FHOD3: variants seen among roughly 807,000 people sequenced by gnomAD.
FHOD3 encodes the protein FH1/FH2 domain-containing protein 3.
In FHOD3, 90 loss-of-function variants were observed where a neutral mutation model predicts 173.0. The observed-to-expected ratio is 0.52, with a 90% CI of 0.44 to 0.62. The LOEUF is 0.62. Among genes scored for constraint, FHOD3 ranks in the 20% least tolerant of loss-of-function variants. The probability of loss-of-function intolerance (pLI) is 0.00; values close to 1 mark genes in which losing one functional copy is unlikely to be tolerated. For synonymous variants in FHOD3, 828 were observed against 823.0 expected (o/e 1.01, Z -0.10); for missense variants, 1,945 against 2,034.7 (o/e 0.96, Z 0.85).
chr18:36,299,726 A>G (rs1174906322), intron 1 of FHOD3, among the ~76,000 whole-genome samples: 4 of 152,164 alleles, frequency 2.6e-5, no homozygotes, highest in Non-Finnish European at 1.5e-5. Context: ...ACTGGCTTGC[A>G]GAACTTTCTA....
At chr18:36,318,675 C>A (rs1461631400) in intron 1 of FHOD3, among the ~76,000 whole-genome samples, 1 of 152,002 alleles carries the variant, frequency 6.6e-6, no homozygotes, top group Non-Finnish European at 1.5e-5. Context: ...TCTGCAGAGA[C>A]AGTTTGACTT....
chr18:36,469,869 A>G (rs1165002144), intron 3 of FHOD3, among the ~76,000 whole-genome samples: 1 of 152,222 alleles, frequency 6.6e-6, no homozygotes, highest in Non-Finnish European at 1.5e-5. Context: ...TGGCTAAGCC[A>G]GGATAAGCAT....
chr18:36,745,418 A>G (rs1376727170), intron 23 of FHOD3, among the ~76,000 whole-genome samples: 1 of 152,176 alleles, frequency 6.6e-6, no homozygotes, highest in Non-Finnish European at 1.5e-5. Flanking sequence ...TTTCTGATGC[A>G]ATAGCATCAG....
At chr18:36,587,768 T>C (rs927496814) in intron 6 of FHOD3, among the ~76,000 whole-genome samples, 3 of 152,152 alleles carry the variant, frequency 2.0e-5, no homozygotes, top group Non-Finnish European at 4.4e-5. Flanking sequence ...TCCAGCCTGG[T>C]GCTGGAAAAA....
chr18:36,722,942 T>G (rs2040863448), intron 19 of FHOD3, among the ~76,000 whole-genome samples: 1 of 151,964 alleles, frequency 6.6e-6, no homozygotes, highest in South Asian at 2.1e-4. Flanking sequence ...TTATTTAACA[T>G]TCCCCTCAGA....
chr18:36,754,981 T>TATTATA lies in FHOD3; in HGVS notation c.4233-133_4233-132insAATTAT, dbSNP rs1313303006. 7.7e-4 allele frequency: 122 copies of TATTATA among 157,716 alleles called. 1 individual carries two copies. The East Asian group carries it at 0.015, about 20-fold the overall frequency. The allele number at this position is 157,716 out of a possible 1,614,324, so 9.8% of individuals were successfully genotyped here. ...GAGTGTGGCTTGTTGGTTTCTTTAT[T>TATTATA]ATTATTATTATTATTATTATTATTA... On this transcript the variant is annotated intron_variant, in intron 24 of 28. Transcript: ENST00000590592.
chr18:36,652,737 C>T lies in FHOD3; in HGVS notation c.1454C>T (p.Pro485Leu). 1.3e-6 allele frequency: 2 copies of T among 1,535,902 alleles called. No individual in the cohort carries two copies. The highest frequency in any genetic ancestry group is 1.2e-5 in the South Asian group (1 of 84,052). ...GGGTCCTCTGGGTCTGAGGCCACCC[C>T]ATCTGCCCTCCTGTCACCCCCTGCC... ...HSGSSGSEAT[P>L]SALLSPPASA... is the part of the protein sequence containing the mutation. The change falls in exon 12 of 29, where the codon CCA becomes CTA. Residue 485 changes from proline to leucine, a missense_variant. Around this residue, in one of 5 missense-constraint regions of FHOD3, gnomAD observed 1,099 missense variants for 1,051.2 expected, o/e 1.05. Coordinates refer to ENST00000590592, the MANE Select transcript of FHOD3 (RefSeq NM_001281740.3).
chr18:36,548,451 G>T (rs1172063747), intron 5 of FHOD3, among the ~76,000 whole-genome samples: 1 of 152,280 alleles, frequency 6.6e-6, no homozygotes, highest in South Asian at 2.1e-4. Flanking sequence ...ATAATAATCT[G>T]TACATACTTA....
At chr18:36,700,361 C>G (rs967914729) in intron 17 of FHOD3, among the ~76,000 whole-genome samples, 4 of 152,188 alleles carry the variant, frequency 2.6e-5, no homozygotes, top group Non-Finnish European at 4.4e-5. Flanking sequence ...TGATGTCTAT[C>G]TCTCATCCAG....
At chr18:36,680,894 A>G (rs1436382422) in intron 14 of FHOD3, among the ~76,000 whole-genome samples, 1 of 152,256 alleles carries the variant, frequency 6.6e-6, no homozygotes, top group East Asian at 1.9e-4. Flanking sequence ...TAGTGCATGT[A>G]TAATAGAAAA....
chr18:36,528,455 A>G (rs977780115), intron 5 of FHOD3, among the ~76,000 whole-genome samples: 1 of 152,196 alleles, frequency 6.6e-6, no homozygotes, highest in African/African-American at 2.4e-5. Flanking sequence ...CTGTCTTTCT[A>G]TGGCTCACCT....
intron 5 of FHOD3, among the ~76,000 whole-genome samples, chr18:36,549,484 A>AT (rs914808243): frequency 1.4e-5 from 2 of 142,254 alleles, no homozygotes; most frequent in African/African-American, 5.2e-5. Context: ...TCAGTTTATA[A>AT]TTTTTTTTCT....
intron 7 of FHOD3, among the ~76,000 whole-genome samples, chr18:36,596,036 G>A (rs1437889634): frequency 6.6e-6 from 1 of 152,234 alleles, no homozygotes; most frequent in Non-Finnish European, 1.5e-5. Flanking sequence ...TTATAGTTGT[G>A]TGTGTGTGTG....
chr18:36,355,018 T>G (rs1466964696), intron 1 of FHOD3, among the ~76,000 whole-genome samples: 1 of 152,132 alleles, frequency 6.6e-6, no homozygotes, highest in Non-Finnish European at 1.5e-5. Context: ...ATATTGCCAT[T>G]CAGTTGGAGG....
intron 3 of FHOD3, among the ~76,000 whole-genome samples, chr18:36,430,587 A>G (rs1381034308): frequency 6.6e-6 from 1 of 152,230 alleles, no homozygotes; most frequent in Non-Finnish European, 1.5e-5. Context: ...TAAAATCTAT[A>G]CAATCTATTA....
At chr18:36,424,152 A>C (rs976624812) in intron 3 of FHOD3, among the ~76,000 whole-genome samples, 1 of 152,122 alleles carries the variant, frequency 6.6e-6, no homozygotes, top group African/African-American at 2.4e-5. Flanking sequence ...TGGAGTTCCA[A>C]TATTCTCATT....
At chr18:36,562,809 T>A (rs966054643) in intron 5 of FHOD3, among the ~76,000 whole-genome samples, 3 of 152,216 alleles carry the variant, frequency 2.0e-5, no homozygotes, top group Non-Finnish European at 4.4e-5. Flanking sequence ...GAGACTCACC[T>A]GTGGAGCCCT....
At chr18:36,600,162 C>T (rs2031138150) in intron 7 of FHOD3, among the ~76,000 whole-genome samples, 1 of 152,000 alleles carries the variant, frequency 6.6e-6, no homozygotes, top group Non-Finnish European at 1.5e-5. Context: ...CCCTCCATCC[C>T]ACTCCTTTGG....
intron 10 of FHOD3, among the ~76,000 whole-genome samples, chr18:36,648,335 C>A (rs1434704673): frequency 5.3e-5 from 8 of 152,216 alleles, no homozygotes; most frequent in African/African-American, 1.7e-4. Flanking sequence ...GATTGAGAAG[C>A]CCAGCAGGGC....
Sources: allele counts gnomAD v4.1 joint callset (sites outside exome capture counted in the v4.1 genomes callset), GRCh38; gene constraint gnomAD v4.1.1; regional missense constraint gnomAD v4.1.1; transcripts MANE v1.5; gene names NCBI Gene and HGNC (gene_info 2026-07-23, HGNC 2026-07-21).